Variants in PRKAA1 observed in about 807,000 individuals in gnomAD.
PRKAA1 encodes protein kinase AMP-activated catalytic subunit alpha 1, also known as 5'-AMP-activated protein kinase catalytic subunit alpha-1.
Under a neutral mutation model 56.9 loss-of-function variants are expected in PRKAA1, and 23 were observed. That is an observed-to-expected ratio of 0.40 (90% CI 0.29 to 0.57). The LOEUF (loss-of-function observed/expected upper bound fraction) is 0.57. Among genes scored for constraint, PRKAA1 ranks in the 20% least tolerant of loss-of-function variants. PRKAA1 has a pLI of 0.39. For synonymous variants in PRKAA1, 226 were observed against 227.0 expected, an observed-to-expected ratio of 1.00 and a Z score of 0.04; for missense variants, 413 against 679.7, an observed-to-expected ratio of 0.61 and a Z score of 4.36.
In PRKAA1 at chr5:40,759,747, G is replaced by A. The variant is rs563183093; in HGVS notation, c.*3031C>T. On this transcript the variant is annotated 3_prime_UTR_variant, in exon 9 of 9. Coordinates refer to ENST00000397128, the MANE Select transcript of PRKAA1 (RefSeq NM_006251.6). Reference sequence around the variant, plus strand: ...TGGTGTCACTACAACATCAAAAAGAGCAGTGCTAGGCAGAGGATTTTGTAT... The same window carrying A: ...TGGTGTCACTACAACATCAAAAAGAACAGTGCTAGGCAGAGGATTTTGTAT... The A allele has an allele frequency of 6.6e-5, 10 of 152,258 alleles. No individual in the cohort carries two copies. The highest frequency in any genetic ancestry group is 1.5e-4 in the Non-Finnish European group (10 of 68,022). The allele number at this position is 152,258 out of a possible 1,614,324, so 9.4% of individuals were successfully genotyped here.
intron 1 of PRKAA1, among the ~76,000 whole-genome samples, chr5:40,792,431 A>C (rs1488150727): frequency 2.6e-5 from 4 of 152,220 alleles, no homozygotes; most frequent in Non-Finnish European, 5.9e-5. Flanking sequence ...ACACGAGTAC[A>C]TCTATAAAAT....
intron 6 of PRKAA1, among the ~76,000 whole-genome samples, chr5:40,766,886 G>A (rs988037783): frequency 6.6e-6 from 1 of 152,058 alleles, no homozygotes; most frequent in Non-Finnish European, 1.5e-5. Flanking sequence ...AGGCATGATG[G>A]TGGATGCCTG....
chr5:40,784,764 C>T (rs1744401375), intron 1 of PRKAA1, among the ~76,000 whole-genome samples: 1 of 152,160 alleles, frequency 6.6e-6, no homozygotes, highest in African/African-American at 2.4e-5. Flanking sequence ...TTATTAGCAA[C>T]ATTTTACAGG....
chr5:40,774,767 A>C (rs944490028), intron 3 of PRKAA1, among the ~76,000 whole-genome samples: 5 of 152,182 alleles, frequency 3.3e-5, no homozygotes, highest in Admixed American at 2.6e-4. Flanking sequence ...GGCTAGCTAC[A>C]GCTCTCCCAC....
At chr5:40,771,631 T>C in intron 4 of PRKAA1, 88 bp downstream of exon 4, 1 of 1,314,186 alleles carries the variant, frequency 7.6e-7, no homozygotes, top group Non-Finnish European at 1.0e-6. Flanking sequence ...TGTAATCTTT[T>C]ACAGTTATCT....
rs114606058 is a variant in PRKAA1 at position 40,763,594 on chromosome 5, C to T, written c.1436-572G>A. 4.9e-3 allele frequency among the ~76,000 whole-genome samples: 746 copies of T among 152,084 alleles called. 9 individuals carry two copies. The highest frequency in any genetic ancestry group is 0.017 in the African/African-American group (698 of 41,478). On this transcript the variant is annotated intron_variant, in intron 8 of 8. Coordinates refer to ENST00000397128, the MANE Select transcript of PRKAA1 (RefSeq NM_006251.6). ...AGCAACAATTCCAATGAATAAAAAT[C>T]GAAGAAAAACTAAGGTTGGGAACAC...
chr5:40,789,072 G>A (rs1744613220), intron 1 of PRKAA1, among the ~76,000 whole-genome samples: 1 of 151,868 alleles, frequency 6.6e-6, no homozygotes, highest in Admixed American at 6.6e-5. Context: ...TTAGCCAGGC[G>A]TGGTGGTGTA....
intron 8 of PRKAA1, 106 bp from the exon 9 acceptor site, chr5:40,763,128 A>T: frequency 9.1e-7 from 1 of 1,093,330 alleles, no homozygotes; most frequent in South Asian, 1.4e-5. Context: ...GCCAGCTATC[A>T]AGAGCACGCT....
At chr5:40,797,664 T>C (rs1016760280) in intron 1 of PRKAA1, among the ~76,000 whole-genome samples, 3 of 152,228 alleles carry the variant, frequency 2.0e-5, no homozygotes, top group African/African-American at 7.2e-5. Context: ...GGGCTGGCCC[T>C]GAGCCAAGGG....
rs1346729889 is a variant in PRKAA1 at position 40,762,834 on chromosome 5, G to T, written c.1624C>A (p.His542Asn). 3 of 1,614,120 alleles carry T rather than the reference G, an allele frequency of 1.9e-6. No homozygotes were observed. In the South Asian group the frequency reaches 3.3e-5, roughly 18 times the overall value. Residue 542 changes from histidine (H) to asparagine (N), a missense_variant, in exon 9 of 9, where the codon CAC becomes AAC. His to Asn is a moderately conservative substitution (Grantham distance 68). Around this residue, in one of 9 missense-constraint regions of PRKAA1, gnomAD observed 139 missense variants for 171.5 expected, o/e 0.81. Transcript: ENST00000397128. The stretch of plus-strand genomic sequence containing the variant: ...CACATCTCAAAAAATTCTATTGTGT[G>T]ACTTCCAGGTCTTGGAGTTAGGTCA... Reference protein sequence around the residue: ...PVDLTPRPGSHTIEFFEMCAN... With the variant: ...PVDLTPRPGSNTIEFFEMCAN...
rs555918218 is a variant in PRKAA1 at position 40,777,429 on chromosome 5, T to C, written c.269+16A>G. ...GAAAAGATGACTGGACTATATTTAA[T>C]ATAAACAGAGCTTACAGTTTAATTA... is the stretch of plus-strand genomic sequence containing the variant. On this transcript the variant is annotated intron_variant, in intron 2 of 8. Transcript: ENST00000397128. The C allele has an allele frequency of 1.9e-6, 3 of 1,589,424 alleles. No individual in the cohort carries two copies. In the African/African-American group the frequency reaches 4.1e-5, roughly 22 times the overall value.
intron 2 of PRKAA1, 142 bp downstream of exon 2, chr5:40,777,303 G>T: frequency 2.2e-6 from 2 of 905,228 alleles, no homozygotes; most frequent in East Asian, 2.8e-5. Context: ...GTGAGCCACC[G>T]CACACAGCCT....
chr5:40,778,579 AT>A (rs1408530627), intron 1 of PRKAA1, among the ~76,000 whole-genome samples: 1 of 152,084 alleles, frequency 6.6e-6, no homozygotes, highest in Non-Finnish European at 1.5e-5. Context: ...TTATATGGAT[AT>A]TAAAACATAT....
chr5:40,759,402 T>C lies in PRKAA1; in HGVS notation c.*3376A>G, dbSNP rs539202961. The C allele has an allele frequency of 4.6e-5, 7 of 152,436 alleles. No homozygotes were observed. Among genetic ancestry groups the C allele is most frequent in the African/African-American group, 1.7e-4 (7 of 41,558 alleles). The allele number at this position is 152,436 out of a possible 1,614,324, so 9.4% of individuals were successfully genotyped here. A position where few individuals can be genotyped will look rare whatever the true frequency, so the allele number is the denominator to read the frequency against. On this transcript the variant is annotated 3_prime_UTR_variant, in exon 9 of 9. Coordinates refer to ENST00000397128, the MANE Select transcript of PRKAA1 (RefSeq NM_006251.6). ...TGTAACAGATGATAAATGGAGTTTT[T>C]CTTTATTATATCATATTTCTAAATC...
In PRKAA1 at chr5:40,798,157, C is replaced by T; in HGVS notation, c.33G>A (p.Ala11=). The T allele has an allele frequency of 6.3e-6, 10 of 1,596,924 alleles. No individual in the cohort carries two copies. The highest frequency in any genetic ancestry group is 8.5e-6 in the Non-Finnish European group (10 of 1,170,942). Residue 11 remains alanine, a synonymous_variant, in exon 1 of 9, where the codon GCG becomes GCA. Coordinates refer to ENST00000397128, the MANE Select transcript of PRKAA1 (RefSeq NM_006251.6). MRRLSSWRKM[A]TAEKQKHDGR... ...CGTCGTGTTTCTGCTTCTCGGCTGT[C>T]GCCATCTTTCTCCAGGAACTGAGTC... is the stretch of plus-strand genomic sequence containing the variant.
At chr5:40,771,884 T>G in intron 3 of PRKAA1, 21 bp from the exon 4 acceptor site, 1 of 1,602,512 alleles carries the variant, frequency 6.2e-7, no homozygotes, top group Non-Finnish European at 8.5e-7. Context: ...TTAGAGAGGC[T>G]TTTTAAAGGT....
chr5:40,759,676 A>C lies in PRKAA1; in HGVS notation c.*3102T>G, dbSNP rs1020460441. The C allele has an allele frequency of 5.3e-5, 8 of 152,330 alleles. No individual in the cohort carries two copies. The highest frequency in any genetic ancestry group is 7.3e-5 in the Non-Finnish European group (5 of 68,038). 9.4% of individuals were successfully genotyped at this position (152,330 alleles called of 1,614,324 possible). On this transcript the variant is annotated 3_prime_UTR_variant, in exon 9 of 9. Coordinates refer to ENST00000397128, the MANE Select transcript of PRKAA1 (RefSeq NM_006251.6). ...TGCCAGTCAGAACACAGATCCATGG[A>C]GTTCCACATCTAGCCCCAGGCTACC...
intron 1 of PRKAA1, among the ~76,000 whole-genome samples, chr5:40,780,123 C>G (rs940464226): frequency 6.6e-6 from 1 of 152,140 alleles, no homozygotes; most frequent in African/African-American, 2.4e-5. Context: ...TGTGTTTAGA[C>G]TAGAGCGGTT....
intron 6 of PRKAA1, among the ~76,000 whole-genome samples, chr5:40,766,400 G>C (rs1213797419): frequency 6.6e-6 from 1 of 151,516 alleles, no homozygotes; most frequent in African/African-American, 2.4e-5. Context: ...CCACAGGGGG[G>C]AAAAAAAAGA....
Sources: gnomAD v4.1 joint callset for allele counts (sites outside exome capture counted in the v4.1 genomes callset) on GRCh38, gnomAD v4.1.1 for gene constraint, gnomAD v4.1.1 regional missense constraint, MANE v1.5 for transcripts, NCBI Gene and HGNC (gene_info 2026-07-23, HGNC 2026-07-21) for gene names.